Variants in PCDH15 observed in about 807,000 individuals in gnomAD.
PCDH15 encodes the protein protocadherin-15.
PCDH15 carries 129 observed loss-of-function variants against 178.5 expected under a neutral mutation model. The ratio of observed to expected loss-of-function variants is 0.72; its 90% confidence interval spans 0.63 to 0.84. The LOEUF (loss-of-function observed/expected upper bound fraction) is 0.84. Ranked by LOEUF, PCDH15 falls within the 40% of genes least tolerant of loss-of-function variation. The pLI is 0.00. For synonymous variants in PCDH15, 800 were observed against 732.0 expected (o/e 1.09, Z -1.50); for missense variants, 2,230 against 2,099.9 (o/e 1.06, Z -1.21).
intron 1 of PCDH15, among the ~76,000 whole-genome samples, chr10:54,713,343 G>T (rs2095445167): frequency 6.6e-6 from 1 of 151,954 alleles, no homozygotes; most frequent in Admixed American, 6.6e-5. Context: ...ATGAGTCATT[G>T]TACAACTTAA....
intron 2 of PCDH15, among the ~76,000 whole-genome samples, chr10:55,069,746 ATG>A (rs1841676992): frequency 6.9e-6 from 1 of 145,238 alleles, no homozygotes; most frequent in Non-Finnish European, 1.5e-5. Flanking sequence ...ATATGTGTGC[ATG>A]TGTCTTTATA....
intron 9 of PCDH15, among the ~76,000 whole-genome samples, chr10:54,234,615 T>C (rs1023274504): frequency 2.0e-5 from 3 of 152,152 alleles, no homozygotes; most frequent in Non-Finnish European, 4.4e-5. Context: ...TAAATAAAAT[T>C]ATGTCTAGTG....
At chr10:55,194,809 G>A (rs1239401833) in intron 1 of PCDH15, among the ~76,000 whole-genome samples, 3 of 151,504 alleles carry the variant, frequency 2.0e-5, no homozygotes, top group African/African-American at 7.3e-5. Flanking sequence ...AAGCACTACT[G>A]TAATTTAGAA....
intron 25 of PCDH15, among the ~76,000 whole-genome samples, chr10:53,910,286 C>A (rs2082987067): frequency 6.6e-6 from 1 of 152,144 alleles, no homozygotes; most frequent in Non-Finnish European, 1.5e-5. Context: ...AGGTGGGTGG[C>A]TCTCTGGGAT....
chr10:54,650,170 G>C (rs1375354024), intron 2 of PCDH15, among the ~76,000 whole-genome samples: 1 of 152,216 alleles, frequency 6.6e-6, no homozygotes, highest in African/African-American at 2.4e-5. Flanking sequence ...TCAGTAATAA[G>C]TAGAATTTTA....
At chr10:54,210,886 G>T (rs943327980) in intron 10 of PCDH15, among the ~76,000 whole-genome samples, 10 of 151,926 alleles carry the variant, frequency 6.6e-5, no homozygotes, top group Admixed American at 6.6e-4. Flanking sequence ...TAATTTCATT[G>T]TGATCTTTGC....
At chr10:55,433,956 T>C (rs1838957538) in intron 2 of PCDH15, among the ~76,000 whole-genome samples, 1 of 152,100 alleles carries the variant, frequency 6.6e-6, no homozygotes, top group African/African-American at 2.4e-5. Context: ...GGTTTATTTC[T>C]GGGCTCCATA....
At chr10:55,491,391 A>G (rs1840412705) in intron 2 of PCDH15, among the ~76,000 whole-genome samples, 1 of 151,706 alleles carries the variant, frequency 6.6e-6, no homozygotes, top group Non-Finnish European at 1.5e-5. Context: ...CATCAGTCAC[A>G]GCATGCTGAG....
At chr10:55,549,155 TTTTTG>T (rs1841952700) in intron 2 of PCDH15, among the ~76,000 whole-genome samples, 1 of 147,076 alleles carries the variant, frequency 6.8e-6, no homozygotes, top group Non-Finnish European at 1.5e-5. Flanking sequence ...AAGAGGGTTT[TTTTTG>T]TTTGTTTGTT....
At chr10:54,035,842 G>A (rs1024115407) in intron 18 of PCDH15, among the ~76,000 whole-genome samples, 21 of 151,928 alleles carry the variant, frequency 1.4e-4, no homozygotes, top group Non-Finnish European at 2.5e-4. Flanking sequence ...CATTGTGAAC[G>A]CAATGGAAAA....
intron 8 of PCDH15, among the ~76,000 whole-genome samples, chr10:54,294,474 A>G (rs770182273): frequency 6.6e-6 from 1 of 152,064 alleles, no homozygotes; most frequent in African/African-American, 2.4e-5. Flanking sequence ...AACAGAAATT[A>G]GAGACATTTT....
intron 2 of PCDH15, among the ~76,000 whole-genome samples, chr10:54,640,069 T>A (rs1435135696): frequency 6.6e-6 from 1 of 152,042 alleles, no homozygotes; most frequent in East Asian, 1.9e-4. Flanking sequence ...CACTCCAGCC[T>A]GGCAACATAG....
chr10:54,469,098 T>C lies in PCDH15; in HGVS notation c.157+58714A>G, dbSNP rs554689887. ...GAGACTTTGTAATTTTTAAAATTCA[T>C]GTCTTTTTGTTTGTTTGTTTTAGAT... On this transcript the variant is annotated intron_variant, in intron 3 of 37. Transcript: ENST00000644397. 2.0e-5 allele frequency among the ~76,000 whole-genome samples: 3 copies of C among 152,260 alleles called. No individual in the cohort carries two copies. In the East Asian group the frequency reaches 5.8e-4, roughly 29 times the overall value.
chr10:55,627,601 T>C (rs1837558739), intron 2 of PCDH15: 1 of 151,994 alleles, frequency 6.6e-6, no homozygotes, highest in South Asian at 2.1e-4. Flanking sequence ...GGGCTGAGAA[T>C]CAGGATCCCA....
intron 1 of PCDH15, among the ~76,000 whole-genome samples, chr10:55,204,655 G>C (rs1247351724): frequency 2.0e-5 from 3 of 152,076 alleles, no homozygotes; most frequent in Non-Finnish European, 4.4e-5. Context: ...TAACTTCAGA[G>C]AGAAAATTGA....
rs1022105558 is a variant in PCDH15, at chr10:54,132,995, G to A, written c.1797C>T (p.Cys599=). The part of the protein sequence containing the change: ...APPAERRNSI[C]TVYIEVLPPN... ...GTGGAAGCACTTCAATATACACAGT[G>A]CAGATGGAGTTCCTGCAGAGAAAGA... Residue 599 remains cysteine (C), a synonymous_variant, in exon 15 of 38, where the codon TGC becomes TGT. Coordinates refer to ENST00000644397, the MANE Select transcript of PCDH15 (RefSeq NM_001384140.1). 8.7e-6 allele frequency: 14 copies of A among 1,613,950 alleles called. No homozygotes were observed. Among genetic ancestry groups the A allele is most frequent in the Non-Finnish European group, 1.2e-5 (14 of 1,179,974 alleles).
chr10:55,000,078 G>T (rs926985107), intron 2 of PCDH15, among the ~76,000 whole-genome samples: 2 of 152,170 alleles, frequency 1.3e-5, no homozygotes, highest in Non-Finnish European at 2.9e-5. Context: ...GGCATGCATT[G>T]TCATTGATAA....
chr10:54,134,119 T>C (rs894686444), intron 14 of PCDH15, among the ~76,000 whole-genome samples: 15 of 134,750 alleles, frequency 1.1e-4, no homozygotes, highest in African/African-American at 3.8e-4. Flanking sequence ...TCTTTGCTCA[T>C]TGCAACCCCC....
chr10:54,640,398 ACCTT>A (rs2093961668), intron 2 of PCDH15, among the ~76,000 whole-genome samples: 1 of 152,004 alleles, frequency 6.6e-6, no homozygotes, highest in Non-Finnish European at 1.5e-5. Context: ...ATAAGTATGT[ACCTT>A]TAATACTTTT....
Sources: allele counts gnomAD v4.1 joint callset (sites outside exome capture counted in the v4.1 genomes callset), GRCh38; gene constraint gnomAD v4.1.1; transcripts MANE v1.5; gene names NCBI Gene and HGNC (gene_info 2026-07-23, HGNC 2026-07-21).